Variants in FAF1 observed in about 807,000 individuals in gnomAD.
FAF1 encodes Fas associated factor 1, also known as FAS-associated factor 1.
In FAF1, 25 loss-of-function variants were observed where a neutral mutation model predicts 92.5. That is an observed-to-expected ratio of 0.27 (90% confidence interval 0.20 to 0.38). The LOEUF is 0.38. Ranked by LOEUF, FAF1 falls within the 10% of genes least tolerant of loss-of-function variation. The pLI is 1.00. For missense variants in FAF1, 636 were observed against 793.3 expected, an observed-to-expected ratio of 0.80 and a Z score of 2.38; for synonymous variants, 234 against 273.2, an observed-to-expected ratio of 0.86 and a Z score of 1.42.
intron 2 of FAF1, among the ~76,000 whole-genome samples, chr1:50,811,830 G>A (rs758222105): frequency 3.3e-5 from 5 of 152,068 alleles, no homozygotes; most frequent in Non-Finnish European, 7.4e-5. Flanking sequence ...CCATAAAGCT[G>A]CAGTAACCAT....
chr1:50,493,882 T>G (rs1228766508), intron 15 of FAF1, among the ~76,000 whole-genome samples: 3 of 152,208 alleles, frequency 2.0e-5, no homozygotes, highest in Admixed American at 2.0e-4. Context: ...AAAACGGACC[T>G]TCTAAAAGCA....
intron 12 of FAF1, among the ~76,000 whole-genome samples, chr1:50,576,960 C>T (rs1399389629): frequency 6.6e-6 from 1 of 151,874 alleles, no homozygotes; most frequent in Admixed American, 6.6e-5. Flanking sequence ...AGTCACCATG[C>T]CCAGCCTAAA....
intron 16 of FAF1, 92 bp downstream of exon 16, chr1:50,491,629 C>T: frequency 1.2e-6 from 1 of 837,226 alleles, no homozygotes; most frequent in Non-Finnish European, 1.9e-6. Flanking sequence ...CTATTGCAAA[C>T]CCAGTATTTT....
chr1:50,653,991 C>T (rs1175589930), intron 8 of FAF1, among the ~76,000 whole-genome samples: 3 of 152,160 alleles, frequency 2.0e-5, no homozygotes, highest in Admixed American at 2.0e-4. Context: ...TTGCTATTTT[C>T]TGATTATTAA....
chr1:50,827,130 A>G (rs1644107282), intron 2 of FAF1, among the ~76,000 whole-genome samples: 1 of 152,170 alleles, frequency 6.6e-6, no homozygotes, highest in Admixed American at 6.5e-5. Flanking sequence ...ACAGCTCCAA[A>G]GAGACAGCAA....
chr1:50,480,942 A>G (rs1394652826), intron 17 of FAF1, among the ~76,000 whole-genome samples: 1 of 152,158 alleles, frequency 6.6e-6, no homozygotes, highest in African/African-American at 2.4e-5. Flanking sequence ...ATGGAAGACA[A>G]TGATATTGAT....
chr1:50,896,851 C>T (rs952545746), intron 1 of FAF1, among the ~76,000 whole-genome samples: 1 of 151,942 alleles, frequency 6.6e-6, no homozygotes, highest in East Asian at 1.9e-4. Context: ...AGAAGAGTTA[C>T]GGAGATGGAT....
intron 7 of FAF1, among the ~76,000 whole-genome samples, chr1:50,687,284 A>G (rs1557475352): frequency 6.6e-6 from 1 of 151,694 alleles, no homozygotes; most frequent in Non-Finnish European, 1.5e-5. Context: ...TTCAATGTAC[A>G]ACTCAGTGGT....
intron 1 of FAF1, among the ~76,000 whole-genome samples, chr1:50,940,498 A>G (rs1471254405): frequency 6.6e-6 from 1 of 152,204 alleles, no homozygotes; most frequent in East Asian, 1.9e-4. Context: ...CGTGGTCTCA[A>G]GCAATTCTGC....
intron 13 of FAF1, among the ~76,000 whole-genome samples, chr1:50,550,090 G>A (rs756317296): frequency 5.3e-5 from 8 of 151,968 alleles, no homozygotes; most frequent in Non-Finnish European, 7.4e-5. Flanking sequence ...CGTAGCTCAC[G>A]CCTGTAATCC....
At chr1:50,524,650 C>T (rs1647698849) in intron 15 of FAF1, among the ~76,000 whole-genome samples, 1 of 152,250 alleles carries the variant, frequency 6.6e-6, no homozygotes, top group East Asian at 1.9e-4. Context: ...GAGTCCTTAA[C>T]CCATTGCTTG....
At chr1:50,631,203 C>A (rs1285632051) in intron 8 of FAF1, among the ~76,000 whole-genome samples, 1 of 152,060 alleles carries the variant, frequency 6.6e-6, no homozygotes, top group Non-Finnish European at 1.5e-5. Flanking sequence ...CTCCAGTAGT[C>A]CCTCCTTATA....
chr1:50,687,874 G>A (rs563064220), intron 7 of FAF1, among the ~76,000 whole-genome samples: 389 of 152,174 alleles, frequency 2.6e-3, no homozygotes, highest in Non-Finnish European at 4.1e-3. Context: ...GGTGGCTCAC[G>A]CCTGTAATCC....
chr1:50,851,465 G>T (rs79922538), intron 2 of FAF1, among the ~76,000 whole-genome samples: 1 of 152,046 alleles, frequency 6.6e-6, no homozygotes, highest in Non-Finnish European at 1.5e-5. Flanking sequence ...TGGTTTTCCC[G>T]CTGTGAGCTG....
chr1:50,747,267 CA>C (rs1210854043), intron 4 of FAF1, among the ~76,000 whole-genome samples: 1 of 152,178 alleles, frequency 6.6e-6, no homozygotes, highest in Non-Finnish European at 1.5e-5. Flanking sequence ...TGAGAGCAGC[CA>C]TGGAAGCTGA....
chr1:50,706,410 C>T (rs1324699706), intron 6 of FAF1, among the ~76,000 whole-genome samples: 1 of 152,156 alleles, frequency 6.6e-6, no homozygotes, highest in African/African-American at 2.4e-5. Flanking sequence ...TGTGCTTTCA[C>T]TTAGGACTCA....
chr1:50,613,329 A>G (rs533190537), intron 8 of FAF1, among the ~76,000 whole-genome samples: 24 of 152,216 alleles, frequency 1.6e-4, no homozygotes, highest in African/African-American at 5.8e-4. Context: ...AAGACTTAAA[A>G]CTACCAATCA....
At chr1:50,869,466 G>A (rs1353142211) in intron 1 of FAF1, among the ~76,000 whole-genome samples, 1 of 152,042 alleles carries the variant, frequency 6.6e-6, no homozygotes, top group South Asian at 2.1e-4. Context: ...TATGAGTTAA[G>A]TATATGACAT....
At chr1:50,509,432 T>C (rs979610886) in intron 15 of FAF1, among the ~76,000 whole-genome samples, 1 of 151,952 alleles carries the variant, frequency 6.6e-6, no homozygotes. Flanking sequence ...GGCAACACAG[T>C]GAGACCCTAT....
Sources: gnomAD v4.1 joint callset for allele counts (sites outside exome capture counted in the v4.1 genomes callset) on GRCh38, gnomAD v4.1.1 for gene constraint, MANE v1.5 for transcripts, NCBI Gene and HGNC (gene_info 2026-07-23, HGNC 2026-07-21) for gene names.